FGD3: variants seen among roughly 807,000 people sequenced by gnomAD.
The protein encoded by FGD3 is FYVE, RhoGEF and PH domain containing 3, also known as FYVE, RhoGEF and PH domain-containing protein 3.
Under a neutral mutation model 71.8 loss-of-function variants are expected in FGD3, and 45 were observed. That is an observed-to-expected ratio of 0.63 (90% confidence interval 0.49 to 0.80). FGD3 has a LOEUF of 0.80. Ranked by LOEUF, FGD3 falls within the 30% of genes least tolerant of loss-of-function variation. FGD3 has a pLI of 0.00. For missense variants in FGD3, 844 were observed against 951.5 expected, an observed-to-expected ratio of 0.89 and a Z score of 1.49; for synonymous variants, 378 against 392.8, an observed-to-expected ratio of 0.96 and a Z score of 0.44.
At position 93,032,878 on chromosome 9, in the gene FGD3, G is replaced by A. The variant is rs1587876117; in HGVS notation, c.1785+5G>A. ...GTGGCCCCTGAGAGCACAGAGGTGG[G>A]TGCTCCCAGCTCCTGCTCCCCTCCT... On this transcript the variant is annotated splice_donor_5th_base_variant and intron_variant, in intron 16 of 17. Transcript: ENST00000375482. 1 of 1,613,644 alleles carries A rather than the reference G, an allele frequency of 6.2e-7. No individual in the cohort carries two copies. The highest frequency in any genetic ancestry group is 1.1e-5 in the South Asian group (1 of 91,078).
rs367812813 is a variant in FGD3, at chr9:93,034,549, C to T, written c.1794C>T (p.Pro598=). 2.0e-5 allele frequency: 32 copies of T among 1,610,952 alleles called. No homozygotes were observed. Among genetic ancestry groups the T allele is most frequent in the Non-Finnish European group, 2.5e-5 (29 of 1,178,564 alleles). Residue 598 remains proline, a synonymous_variant, in exon 17 of 18, where the codon CCC becomes CCT. Transcript: ENST00000375482. ...PVAPESTEKT[P]TADPQPSLLC... is the part of the protein sequence containing the mutation. ...TGTCTTTGTGTCCCCAGAAGACACCCACTGCAGACCCCCAGCCCAGCCTGC... is the reference window on the plus strand; with the variant it reads ...TGTCTTTGTGTCCCCAGAAGACACCTACTGCAGACCCCCAGCCCAGCCTGC...
At chr9:93,011,076 T>C (rs1861342317) in intron 7 of FGD3, 138 bp from the exon 8 acceptor site, 1 of 863,560 alleles carries the variant, frequency 1.2e-6, no homozygotes, top group East Asian at 2.4e-5. Flanking sequence ...GCCAGTCCTC[T>C]AGAGTAGCCC....
intron 3 of FGD3, among the ~76,000 whole-genome samples, chr9:93,002,427 A>C (rs140751195): frequency 2.6e-5 from 4 of 152,334 alleles, no homozygotes; most frequent in Non-Finnish European, 5.9e-5. Flanking sequence ...CTACAAAACG[A>C]AAATAGAAAA....
intron 16 of FGD3, 110 bp from the exon 17 acceptor site, chr9:93,034,431 C>T (rs1473776839): frequency 2.8e-6 from 4 of 1,410,432 alleles, no homozygotes; most frequent in African/African-American, 1.5e-5. Flanking sequence ...GGCCATGTCT[C>T]CACAGCCAGC....
intron 3 of FGD3, among the ~76,000 whole-genome samples, chr9:92,996,742 G>A (rs1335074079): frequency 1.3e-5 from 2 of 152,194 alleles, no homozygotes; most frequent in African/African-American, 2.4e-5. Context: ...GTACCCAGTA[G>A]TCATTCAGGA....
At chr9:92,989,405 C>T (rs536526935) in intron 3 of FGD3, among the ~76,000 whole-genome samples, 45 of 152,328 alleles carry the variant, frequency 3.0e-4, no homozygotes, top group East Asian at 7.7e-4. Context: ...GAATTACAGG[C>T]GTGAGCCACC....
intron 13 of FGD3, chr9:93,020,685 G>C (rs2118791401): frequency 4.5e-6 from 2 of 443,162 alleles, no homozygotes; most frequent in East Asian, 8.7e-5. Flanking sequence ...TAGGTCCAGA[G>C]AGCCTCCTGT....
chr9:92,967,461 G>C (rs1859372780), intron 1 of FGD3, among the ~76,000 whole-genome samples: 1 of 152,164 alleles, frequency 6.6e-6, no homozygotes, highest in Non-Finnish European at 1.5e-5. Flanking sequence ...ACTCCTCTAG[G>C]ACCTAACGTA....
intron 3 of FGD3, among the ~76,000 whole-genome samples, chr9:92,977,044 G>A (rs116402447): frequency 0.015 from 2,285 of 152,316 alleles, 63 homozygotes; most frequent in African/African-American, 0.052. Context: ...TTTGCACAGT[G>A]CTCACTGCTG....
At chr9:93,016,597 A>G (rs1300391218) in intron 10 of FGD3, among the ~76,000 whole-genome samples, 2 of 151,352 alleles carry the variant, frequency 1.3e-5, no homozygotes, top group Non-Finnish European at 2.9e-5. Flanking sequence ...TGGCCTCCCA[A>G]AGTGCTGGGA....
At chr9:92,958,070 C>T (rs1421023006) in intron 1 of FGD3, among the ~76,000 whole-genome samples, 6 of 151,578 alleles carry the variant, frequency 4.0e-5, no homozygotes, top group Non-Finnish European at 8.8e-5. Flanking sequence ...ATGATCTCGG[C>T]TCACTGCAAC....
chr9:92,989,510 G>A (rs1336872331), intron 3 of FGD3, among the ~76,000 whole-genome samples: 2 of 152,238 alleles, frequency 1.3e-5, no homozygotes, highest in East Asian at 1.9e-4. Flanking sequence ...TTTTGCCAAG[G>A]TTGAGGTCAT....
intron 15 of FGD3, 104 bp from the exon 16 acceptor site, chr9:93,032,662 TCTC>T (rs1862398740): frequency 1.1e-6 from 1 of 945,362 alleles, no homozygotes; most frequent in Non-Finnish European, 1.7e-6. Flanking sequence ...CTGTGTTAAG[TCTC>T]CTCCCGCCCA....
At chr9:93,014,861 C>G (rs900710473) in intron 9 of FGD3, among the ~76,000 whole-genome samples, 1 of 151,960 alleles carries the variant, frequency 6.6e-6, no homozygotes, top group African/African-American at 2.4e-5. Flanking sequence ...AGTCTGGTCT[C>G]GAGCTCCTGA....
intron 3 of FGD3, among the ~76,000 whole-genome samples, chr9:92,981,284 C>T (rs935604039): frequency 6.8e-6 from 1 of 147,922 alleles, no homozygotes; most frequent in African/African-American, 2.5e-5. Context: ...AAGAGAATGG[C>T]ATGAACCTGG....
chr9:93,026,410 C>A (rs759153537), intron 14 of FGD3, among the ~76,000 whole-genome samples: 3 of 152,214 alleles, frequency 2.0e-5, no homozygotes, highest in African/African-American at 4.8e-5. Flanking sequence ...GCATCCCTCG[C>A]TACTCAGGTG....
intron 12 of FGD3, 27 bp downstream of exon 12, chr9:93,019,888 C>A: frequency 6.2e-7 from 1 of 1,613,004 alleles, no homozygotes; most frequent in Non-Finnish European, 8.5e-7. Context: ...TGTAAAGTAA[C>A]CAAATGACCA....
chr9:92,970,818 C>T (rs1859502109), intron 1 of FGD3, among the ~76,000 whole-genome samples: 1 of 152,192 alleles, frequency 6.6e-6, no homozygotes, highest in South Asian at 2.1e-4. Flanking sequence ...TGTGCATGCA[C>T]CTGTGCCTTG....
intron 1 of FGD3, among the ~76,000 whole-genome samples, chr9:92,970,190 T>C (rs1049286606): frequency 5.9e-5 from 9 of 152,224 alleles, no homozygotes; most frequent in African/African-American, 2.2e-4. Flanking sequence ...CCAGCCTCTC[T>C]GAGCCTCGGC....
Sources: allele counts gnomAD v4.1 joint callset (sites outside exome capture counted in the v4.1 genomes callset), GRCh38; gene constraint gnomAD v4.1.1; transcripts MANE v1.5; gene names NCBI Gene and HGNC (gene_info 2026-07-23, HGNC 2026-07-21).